Variants in ROBO2 observed in about 807,000 individuals in gnomAD.
ROBO2 encodes roundabout guidance receptor 2.
Under a neutral mutation model 160.8 loss-of-function variants are expected in ROBO2, and 53 were observed. The ratio of observed to expected loss-of-function variants is 0.33; its 90% CI spans 0.26 to 0.41. ROBO2 has a LOEUF of 0.41. ROBO2 is among the 10% of genes least tolerant of loss of function. ROBO2 has a pLI of 1.00. For missense variants in ROBO2, 1,577 were observed against 1,722.4 expected (o/e 0.92, Z 1.49); for synonymous variants, 664 against 611.7 (o/e 1.09, Z -1.26).
At chr3:76,549,974 C>T (rs1393664975) in intron 2 of ROBO2, among the ~76,000 whole-genome samples, 1 of 152,228 alleles carries the variant, frequency 6.6e-6, no homozygotes, top group Non-Finnish European at 1.5e-5. Flanking sequence ...ATGTTCCCTA[C>T]TGTCAGGCAG....
intron 2 of ROBO2, among the ~76,000 whole-genome samples, chr3:77,282,961 A>T (rs1441470070): frequency 3.2e-5 from 4 of 125,896 alleles, no homozygotes; most frequent in East Asian, 5.6e-4. Flanking sequence ...TTCTGCTTTT[A>T]AAAAAAAAAA....
At chr3:76,379,223 T>C (rs1392426596) in intron 2 of ROBO2, among the ~76,000 whole-genome samples, 3 of 152,192 alleles carry the variant, frequency 2.0e-5, no homozygotes, top group African/African-American at 7.2e-5. Context: ...AGCCACATAC[T>C]AGACAGCTTT....
In ROBO2 at chr3:75,966,227, G is replaced by A. The variant is rs192555037; in HGVS notation, c.109+28625G>A. 2.6e-4 allele frequency among the ~76,000 whole-genome samples: 39 copies of A among 151,234 alleles called. No homozygotes were observed. The East Asian group carries it at 5.8e-3, about 22-fold the overall frequency. ...GGTAAAACTGTAAGACACAATGTCA[G>A]CAAGGTGAAATAACTTCTCTTTAGC... On this transcript the variant is annotated intron_variant, in intron 2 of 26. Transcript: ENST00000487694.
At chr3:76,953,862 G>GT (rs1371250826) in intron 2 of ROBO2, among the ~76,000 whole-genome samples, 1 of 152,058 alleles carries the variant, frequency 6.6e-6, no homozygotes, top group African/African-American at 2.4e-5. Context: ...AGGTGCACGT[G>GT]TTACCATTTT....
At chr3:76,753,840 G>T (rs1014836173) in intron 2 of ROBO2, among the ~76,000 whole-genome samples, 1 of 151,786 alleles carries the variant, frequency 6.6e-6, no homozygotes, top group Admixed American at 6.6e-5. Flanking sequence ...GATAGTTTCA[G>T]GACTGGCTCT....
chr3:76,512,949 C>T (rs536059785), intron 2 of ROBO2, among the ~76,000 whole-genome samples: 2 of 151,930 alleles, frequency 1.3e-5, no homozygotes, highest in Admixed American at 6.6e-5. Flanking sequence ...AACAAAACAC[C>T]GTCATCATGA....
At chr3:77,546,438 T>C in exon 7 of ROBO2, 2 of 1,613,292 alleles carry the variant, frequency 1.2e-6, no homozygotes, top group Non-Finnish European at 1.7e-6. Flanking sequence ...AGCCAGCTGT[T>C]TTTTGGCAGA....
chr3:77,001,126 A>T (rs1284514995), intron 2 of ROBO2, among the ~76,000 whole-genome samples: 3 of 152,168 alleles, frequency 2.0e-5, no homozygotes, highest in Non-Finnish European at 4.4e-5. Context: ...GTATAGTTCC[A>T]CTTCTTTCTC....
intron 2 of ROBO2, among the ~76,000 whole-genome samples, chr3:76,611,823 G>C (rs1006663530): frequency 6.6e-6 from 1 of 151,772 alleles, no homozygotes; most frequent in Non-Finnish European, 1.5e-5. Context: ...GATTGCTCTT[G>C]CTTTTCTAGT....
At chr3:76,868,971 A>T (rs947348959) in intron 2 of ROBO2, among the ~76,000 whole-genome samples, 3 of 152,134 alleles carry the variant, frequency 2.0e-5, no homozygotes, top group African/African-American at 7.2e-5. Flanking sequence ...TCCCCCACCA[A>T]AAAAGGAGTC....
At chr3:77,453,885 T>G (rs1442742275) in intron 2 of ROBO2, among the ~76,000 whole-genome samples, 1 of 152,142 alleles carries the variant, frequency 6.6e-6, no homozygotes, top group Admixed American at 6.5e-5. Context: ...TAATATGAGC[T>G]TCCAGGAAGA....
At chr3:77,290,231 TA>T (rs199554703) in intron 2 of ROBO2, among the ~76,000 whole-genome samples, 19,761 of 110,710 alleles carry the variant, frequency 0.18, 1 homozygote, top group Non-Finnish European at 0.25. Context: ...ACCCCAGACA[TA>T]AAGTAAAATT....
intron 2 of ROBO2, among the ~76,000 whole-genome samples, chr3:76,344,555 G>A (rs1187560851): frequency 6.6e-6 from 1 of 152,112 alleles, no homozygotes; most frequent in Non-Finnish European, 1.5e-5. Flanking sequence ...ATTTGTAGTA[G>A]TCTATGTGAA....
At chr3:77,533,139 T>C (rs182880182) in intron 6 of ROBO2, among the ~76,000 whole-genome samples, 1 of 152,284 alleles carries the variant, frequency 6.6e-6, no homozygotes, top group Non-Finnish European at 1.5e-5. Flanking sequence ...ATTTAGAATG[T>C]TGTTTTCAAT....
chr3:77,510,222 T>C (rs900284960), intron 5 of ROBO2, among the ~76,000 whole-genome samples: 2 of 152,102 alleles, frequency 1.3e-5, no homozygotes, highest in African/African-American at 4.8e-5. Flanking sequence ...TAAACTGTTA[T>C]ATTAACATAA....
intron 2 of ROBO2, among the ~76,000 whole-genome samples, chr3:75,953,530 A>G (rs1471429812): frequency 6.6e-6 from 1 of 151,916 alleles, no homozygotes; most frequent in Non-Finnish European, 1.5e-5. Context: ...TTTTCTTTTC[A>G]TTCTAAGCAC....
intron 2 of ROBO2, among the ~76,000 whole-genome samples, chr3:76,627,964 G>C (rs2089767901): frequency 1.3e-5 from 2 of 152,090 alleles, no homozygotes; most frequent in African/African-American, 4.8e-5. Flanking sequence ...TGGCAGGAAT[G>C]GTTGATGACT....
At chr3:76,795,121 C>T (rs1242917032) in intron 2 of ROBO2, among the ~76,000 whole-genome samples, 1 of 151,984 alleles carries the variant, frequency 6.6e-6, no homozygotes, top group African/African-American at 2.4e-5. Context: ...AAAAATAATT[C>T]GTAGCTGAAA....
At chr3:75,989,037 G>A (rs1362707880) in intron 2 of ROBO2, among the ~76,000 whole-genome samples, 1 of 151,900 alleles carries the variant, frequency 6.6e-6, no homozygotes, top group African/African-American at 2.4e-5. Flanking sequence ...TAATATATAT[G>A]TTAGTTTTAA....
Sources: allele counts gnomAD v4.1 joint callset (sites outside exome capture counted in the v4.1 genomes callset), GRCh38; gene constraint gnomAD v4.1.1; transcripts MANE v1.5; gene names NCBI Gene and HGNC (gene_info 2026-07-23, HGNC 2026-07-21).